KCNJ6: variants seen among roughly 807,000 people sequenced by gnomAD.
KCNJ6 encodes the protein G protein-activated inward rectifier potassium channel 2.
In KCNJ6, 9 loss-of-function variants were observed where a neutral mutation model predicts 34.2. The observed-to-expected ratio is 0.26, with a 90% CI of 0.16 to 0.46. KCNJ6 has a LOEUF of 0.46. Among genes scored for constraint, KCNJ6 ranks in the 20% least tolerant of loss-of-function variants. KCNJ6 has a pLI of 1.00. For missense variants in KCNJ6, 236 were observed against 531.3 expected (o/e 0.44, Z 5.46); for synonymous variants, 196 against 207.1 (o/e 0.95, Z 0.46).
intron 2 of KCNJ6, among the ~76,000 whole-genome samples, chr21:37,739,836 T>C: frequency 6.6e-6 from 1 of 152,090 alleles, no homozygotes; most frequent in East Asian, 1.9e-4. Flanking sequence ...GAGAGGGCAG[T>C]GTACCATTGG....
chr21:37,841,608 A>G (rs2055481211), intron 1 of KCNJ6, among the ~76,000 whole-genome samples: 2 of 152,290 alleles, frequency 1.3e-5, no homozygotes, highest in South Asian at 4.1e-4. Flanking sequence ...CTATTTCTTT[A>G]CCTGTGCATA....
chr21:37,631,630 G>C (rs1413920741), intron 3 of KCNJ6, among the ~76,000 whole-genome samples: 2 of 152,198 alleles, frequency 1.3e-5, no homozygotes, highest in Admixed American at 1.3e-4. Context: ...AAATTTTTCT[G>C]CCTTCCTCTT....
At chr21:37,647,347 A>G (rs2054410147) in intron 3 of KCNJ6, among the ~76,000 whole-genome samples, 1 of 152,040 alleles carries the variant, frequency 6.6e-6, no homozygotes, top group African/African-American at 2.4e-5. Context: ...GTCGGGATGG[A>G]GGGGAAGCTG....
At position 37,623,025 on chromosome 21, in the gene KCNJ6, C is replaced by T. The variant is rs896655949; in HGVS notation, c.*2134G>A. The T allele has an allele frequency of 3.3e-5, 5 of 152,158 alleles. No individual in the cohort carries two copies. Among genetic ancestry groups the T allele is most frequent in the South Asian group, 4.1e-4 (2 of 4,828 alleles). The allele number at this position is 152,158 out of a possible 1,614,324, so 9.4% of individuals were successfully genotyped here. A position where few individuals can be genotyped will look rare whatever the true frequency, so the allele number is the denominator to read the frequency against. On this transcript the variant is annotated 3_prime_UTR_variant, in exon 4 of 4. Transcript: ENST00000609713. ...CCCCGCAGCCTCAAGGGGAGTGTAT[C>T]GAGCTTCCTCCTCCCGGACCACCAC... is the stretch of plus-strand genomic sequence containing the variant.
chr21:37,779,179 C>T (rs1056501475), intron 2 of KCNJ6, among the ~76,000 whole-genome samples: 8 of 152,074 alleles, frequency 5.3e-5, no homozygotes, highest in Non-Finnish European at 1.0e-4. Flanking sequence ...GTAAATTTTG[C>T]AGGCCAGTCC....
chr21:37,878,253 G>C (rs778430538), intron 1 of KCNJ6, among the ~76,000 whole-genome samples: 2 of 143,900 alleles, frequency 1.4e-5, no homozygotes, highest in Non-Finnish European at 3.0e-5. Flanking sequence ...GACTACTGCT[G>C]CATTTGTGGG....
At chr21:37,905,175 T>C (rs575462268) in intron 1 of KCNJ6, among the ~76,000 whole-genome samples, 1 of 152,178 alleles carries the variant, frequency 6.6e-6, no homozygotes, top group Non-Finnish European at 1.5e-5. Flanking sequence ...CTAAAGCAGG[T>C]CCATTTTTCT....
At chr21:37,899,182 T>C (rs1383286459) in intron 1 of KCNJ6, among the ~76,000 whole-genome samples, 15 of 152,256 alleles carry the variant, frequency 9.9e-5, no homozygotes, top group Non-Finnish European at 1.6e-4. Flanking sequence ...TGATTTTGAG[T>C]TTCTCCTGGG....
intron 3 of KCNJ6, among the ~76,000 whole-genome samples, chr21:37,703,706 G>A (rs1381357718): frequency 1.3e-5 from 2 of 152,178 alleles, no homozygotes; most frequent in Non-Finnish European, 2.9e-5. Context: ...GGTCATGGGT[G>A]CTCACTGTTC....
At position 37,625,011 on chromosome 21, in the gene KCNJ6, T is replaced by A. The variant is rs1372249329; in HGVS notation, c.*148A>T. On this transcript the variant is annotated 3_prime_UTR_variant, in exon 4 of 4. Coordinates refer to ENST00000609713, the MANE Select transcript of KCNJ6 (RefSeq NM_002240.5). ...ACTGAGAGAGGGCAGGTAGATATTTTACACCTTGAAGATTTGTTTTCTGGT... is the reference window on the plus strand; with the variant it reads ...ACTGAGAGAGGGCAGGTAGATATTTAACACCTTGAAGATTTGTTTTCTGGT... The A allele has an allele frequency of 1.2e-5, 8 of 651,976 alleles. No individual in the cohort carries two copies. Among genetic ancestry groups the A allele is most frequent in the African/African-American group, 9.1e-5 (5 of 54,934 alleles). 40.4% of individuals were successfully genotyped at this position (651,976 alleles called of 1,614,324 possible). A position where few individuals can be genotyped will look rare whatever the true frequency, so the allele number is the denominator to read the frequency against.
chr21:37,735,966 G>A (rs1439096069), intron 2 of KCNJ6, among the ~76,000 whole-genome samples: 2 of 152,128 alleles, frequency 1.3e-5, no homozygotes, highest in Non-Finnish European at 2.9e-5. Flanking sequence ...TCAGCACTCT[G>A]AGAATAATGG....
chr21:37,836,759 G>A (rs2055453637), intron 2 of KCNJ6, among the ~76,000 whole-genome samples: 2 of 152,120 alleles, frequency 1.3e-5, no homozygotes, highest in Admixed American at 1.3e-4. Flanking sequence ...GGCCAGAGGA[G>A]GGATAACATT....
rs78920067 is a variant in KCNJ6 at position 37,675,911 on chromosome 21, G to A, written c.946+38300C>T. Among the ~76,000 whole-genome samples the A allele has an allele frequency of 6.6e-6, 1 of 152,192 alleles. No homozygotes were observed. The highest frequency in any genetic ancestry group is 2.4e-5 in the African/African-American group (1 of 41,442). ...GGGTGGGGTGCGCCGACCCTGCTGCGCTTGTCAGCTTCTCTAACTGTGGCT... is the reference window on the plus strand; with the variant it reads ...GGGTGGGGTGCGCCGACCCTGCTGCACTTGTCAGCTTCTCTAACTGTGGCT... On this transcript the variant is annotated intron_variant, in intron 3 of 3. Transcript: ENST00000609713. The surrounding 1 kb of genome is among the most constrained non-coding windows in gnomAD (Gnocchi z 4.2).
At chr21:37,658,141 A>G (rs1299099139) in intron 3 of KCNJ6, among the ~76,000 whole-genome samples, 1 of 151,616 alleles carries the variant, frequency 6.6e-6, no homozygotes, top group East Asian at 1.9e-4. Context: ...TAAGGGCTCA[A>G]TTAACTGATT....
At chr21:37,788,325 G>C (rs1321394248) in intron 2 of KCNJ6, among the ~76,000 whole-genome samples, 1 of 152,172 alleles carries the variant, frequency 6.6e-6, no homozygotes, top group Non-Finnish European at 1.5e-5. Context: ...TTTTGATATA[G>C]TGTATGATGT....
At chr21:37,733,243 T>G (rs1012791654) in intron 2 of KCNJ6, among the ~76,000 whole-genome samples, 2 of 152,234 alleles carry the variant, frequency 1.3e-5, no homozygotes, top group Non-Finnish European at 2.9e-5. Flanking sequence ...TGGCTTAAAT[T>G]CCTGGCGATA....
rs2054290664 is a variant in KCNJ6, at chr21:37,621,798, G to A, written c.*3361C>T. ...AGTTCTGCCTCATGGACATAGAGGG[G>A]ATATATGCTGGAACAACCAGGCTGG... On this transcript the variant is annotated 3_prime_UTR_variant, in exon 4 of 4. Transcript: ENST00000609713. 6.6e-6 allele frequency: 1 copy of A among 152,226 alleles called. No individual in the cohort carries two copies. The highest frequency in any genetic ancestry group is 1.5e-5 in the Non-Finnish European group (1 of 68,060). 9.4% of individuals were successfully genotyped at this position (152,226 alleles called of 1,614,324 possible). A position where few individuals can be genotyped will look rare whatever the true frequency, so the allele number is the denominator to read the frequency against.
intron 2 of KCNJ6, among the ~76,000 whole-genome samples, chr21:37,721,717 C>T (rs1005806830): frequency 2.6e-5 from 4 of 152,214 alleles, no homozygotes; most frequent in Admixed American, 6.5e-5. Flanking sequence ...ACAACATGGC[C>T]TCATTGGAAA....
chr21:37,762,903 G>C (rs1012574746), intron 2 of KCNJ6, among the ~76,000 whole-genome samples: 1 of 152,178 alleles, frequency 6.6e-6, no homozygotes, highest in Admixed American at 6.5e-5. Flanking sequence ...TGGGCAGCCC[G>C]GGGGTAAGAA....
Sources: allele counts gnomAD v4.1 joint callset (sites outside exome capture counted in the v4.1 genomes callset), GRCh38; gene constraint gnomAD v4.1.1; non-coding constraint Gnocchi (gnomAD v3.1); transcripts MANE v1.5; gene names NCBI Gene and HGNC (gene_info 2026-07-23, HGNC 2026-07-21).